The following SLC38A8 variants were observed in gnomAD, a reference collection of about 807,000 sequenced individuals.
The protein encoded by SLC38A8 is amino acid transporter SLC38A8.
In SLC38A8, 65 loss-of-function variants were observed where a neutral mutation model predicts 46.0. That is an observed-to-expected ratio of 1.41 (90% confidence interval 1.16 to 1.74). SLC38A8 has a LOEUF of 1.74. Ranked by LOEUF, SLC38A8 falls within the 40% of genes most tolerant of loss-of-function variation. The probability of loss-of-function intolerance (pLI) is 0.00; values close to 1 mark genes in which losing one functional copy is unlikely to be tolerated. For synonymous variants in SLC38A8, 447 were observed against 243.7 expected (o/e 1.83, Z -7.77); for missense variants, 998 against 567.9 (o/e 1.76, Z -7.70).
intron 1 of SLC38A8, 45 bp from the exon 2 acceptor site, chr16:84,042,204 T>C (rs1352903374): frequency 2.6e-6 from 4 of 1,551,112 alleles, no homozygotes; most frequent in Non-Finnish European, 3.5e-6. Context: ...TCTTCACGCT[T>C]TCCTCCCTAA....
At chr16:84,025,017 G>T (rs905958855) in intron 6 of SLC38A8, among the ~76,000 whole-genome samples, 3 of 152,092 alleles carry the variant, frequency 2.0e-5, no homozygotes, top group Non-Finnish European at 2.9e-5. Flanking sequence ...CACAGTCAAT[G>T]CCAAGAGCCC....
chr16:84,011,977 T>C (rs950224153), intron 10 of SLC38A8, among the ~76,000 whole-genome samples: 1 of 152,166 alleles, frequency 6.6e-6, no homozygotes, highest in African/African-American at 2.4e-5. Context: ...TGGAGTGATG[T>C]AGCCACAGGC....
intron 9 of SLC38A8, among the ~76,000 whole-genome samples, chr16:84,014,046 G>C (rs939150833): frequency 6.6e-6 from 1 of 150,670 alleles, no homozygotes; most frequent in African/African-American, 2.4e-5. Flanking sequence ...GAAGGGCTGT[G>C]TGACCACACT....
At chr16:84,030,206 C>T (rs1214720778) in intron 5 of SLC38A8, among the ~76,000 whole-genome samples, 1 of 152,064 alleles carries the variant, frequency 6.6e-6, no homozygotes, top group East Asian at 1.9e-4. Context: ...CACAGATCGC[C>T]GCGGCCCCCA....
rs951346765 is a variant in SLC38A8 at position 84,037,019 on chromosome 16, G to A, written c.190-119C>T. 16 of 1,038,928 alleles carry A rather than the reference G, an allele frequency of 1.5e-5. No individual in the cohort carries two copies. The African/African-American group carries it at 2.1e-4, about 14-fold the overall frequency. 64.4% of individuals were successfully genotyped at this position (1,038,928 alleles called of 1,614,324 possible). A position where few individuals can be genotyped will look rare whatever the true frequency, so the allele number is the denominator to read the frequency against. ...CTCATCCACAGAGGCCAGGGCTGCT[G>A]CCAACATGGGGTTGGCAGTCTACCA... On this transcript the variant is annotated intron_variant, in intron 2 of 10. Transcript: ENST00000299709.
rs764425044 is a variant in SLC38A8, at chr16:84,036,883, C to T, written c.207G>A (p.Leu69=). 17 of 1,612,428 alleles carry T rather than the reference C, an allele frequency of 1.1e-5. No individual in the cohort carries two copies. The highest frequency in any genetic ancestry group is 2.2e-5 in the East Asian group (1 of 44,860). The change falls in exon 3 of 11, where the codon CTG becomes CTA. Residue 69 remains leucine (L), a synonymous_variant. Coordinates refer to ENST00000299709, the MANE Select transcript of SLC38A8 (RefSeq NM_001080442.3). ...AGCCCAGGATGACCAGCCCGCTGATCAGGAAGACCAACGAGACCTGCGGAG... is the reference window on the plus strand; with the variant it reads ...AGCCCAGGATGACCAGCCCGCTGATTAGGAAGACCAACGAGACCTGCGGAG... ...FLVELVSLVF[L]ISGLVILGYA... is the part of the protein sequence containing the mutation.
At position 84,033,432 on chromosome 16, in the gene SLC38A8, C is replaced by CG. The variant is rs2085268635; in HGVS notation, c.425dup (p.Gln143AlafsTer63). The stretch of plus-strand genomic sequence containing the variant: ...AGCGCTGGTCTGCGTACCACGGCTG[C>CG]GGGGCGGGCGGGGTGCCAGACAGGA... On this transcript the variant is annotated frameshift_variant, in exon 4 of 11. Coordinates refer to ENST00000299709, the MANE Select transcript of SLC38A8 (RefSeq NM_001080442.3). LOFTEE classifies it high-confidence loss of function. 1 of 1,610,392 alleles carries CG rather than the reference C, an allele frequency of 6.2e-7. No individual in the cohort carries two copies. The highest frequency in any genetic ancestry group is 1.3e-5 in the African/African-American group (1 of 74,818).
At chr16:84,017,860 C>T (rs1172919875) in intron 7 of SLC38A8, among the ~76,000 whole-genome samples, 3 of 152,148 alleles carry the variant, frequency 2.0e-5, no homozygotes, top group Non-Finnish European at 4.4e-5. Flanking sequence ...TCTCTGCAAG[C>T]CCTTTCTGAG....
intron 6 of SLC38A8, among the ~76,000 whole-genome samples, chr16:84,027,894 G>A (rs1484566719): frequency 3.3e-5 from 5 of 152,140 alleles, no homozygotes; most frequent in African/African-American, 1.2e-4. Context: ...ACTCAGTCCA[G>A]ACAAACAGTT....
chr16:84,013,056 CA>C lies in SLC38A8; in HGVS notation c.1163-5del. 1 of 1,612,684 alleles carries C rather than the reference CA, an allele frequency of 6.2e-7. No individual in the cohort carries two copies. Among genetic ancestry groups the C allele is most frequent in the East Asian group, 2.2e-5 (1 of 44,862 alleles). ...ATTGCACAGATGAGGCACAAACCTG[CA>C]AAAAAGACAGGGTCACCCACAGTTC... On this transcript the variant is annotated splice_region_variant and splice_polypyrimidine_tract_variant and intron_variant, in intron 9 of 10. Transcript: ENST00000299709.
intron 5 of SLC38A8, 98 bp downstream of exon 5, chr16:84,031,769 A>C: frequency 1.0e-6 from 1 of 1,003,920 alleles, no homozygotes; most frequent in South Asian, 1.4e-5. Context: ...CAGGCTCTGC[A>C]GTGAGCCACG....
chr16:84,032,980 G>C (rs1321556302), intron 4 of SLC38A8, among the ~76,000 whole-genome samples: 2 of 145,034 alleles, frequency 1.4e-5, no homozygotes, highest in Admixed American at 1.4e-4. Context: ...GGGGGGGTGT[G>C]GGTAGGTGGG....
intron 7 of SLC38A8, among the ~76,000 whole-genome samples, chr16:84,021,806 T>C (rs868734758): frequency 1.3e-5 from 2 of 152,232 alleles, no homozygotes; most frequent in South Asian, 4.1e-4. Context: ...TTTACAGTTA[T>C]GGAGATTGAG....
chr16:84,027,233 C>G (rs2085174589), intron 6 of SLC38A8, among the ~76,000 whole-genome samples: 1 of 152,118 alleles, frequency 6.6e-6, no homozygotes, highest in African/African-American at 2.4e-5. Flanking sequence ...GCCTGTAATC[C>G]CAGCTACTCA....
At chr16:84,017,017 C>A (rs1397749717) in intron 8 of SLC38A8, 123 bp downstream of exon 8, 6 of 1,350,610 alleles carry the variant, frequency 4.4e-6, no homozygotes, top group Middle Eastern at 5.3e-4. Context: ...CCTGTTTCCT[C>A]CTGTCTACAA....
intron 6 of SLC38A8, 140 bp downstream of exon 6, chr16:84,029,354 G>A (rs956806968): frequency 2.1e-5 from 16 of 768,740 alleles, no homozygotes; most frequent in Non-Finnish European, 3.1e-5. Context: ...AACCACAGGT[G>A]GGCGGCACAG....
intron 2 of SLC38A8, among the ~76,000 whole-genome samples, chr16:84,038,978 G>T (rs569523511): frequency 6.6e-6 from 1 of 152,176 alleles, no homozygotes. Context: ...ATGTCCACAA[G>T]GAAAATGTTA....
intron 6 of SLC38A8, among the ~76,000 whole-genome samples, chr16:84,024,702 G>A (rs2085140940): frequency 6.6e-6 from 1 of 152,050 alleles, no homozygotes; most frequent in Admixed American, 6.5e-5. Context: ...AGTCGCTCAA[G>A]CCTGGGAGGC....
chr16:84,031,818 T>TGCCGTGCCTCCCC (rs746835977), intron 5 of SLC38A8, 49 bp downstream of exon 5: 1 of 1,521,776 alleles, frequency 6.6e-7, no homozygotes, highest in South Asian at 1.1e-5. Context: ...CAGACTCCCC[T>TGCCGTGCCTCCCC]GCCGTGCCTC....
Sources: allele counts gnomAD v4.1 joint callset (sites outside exome capture counted in the v4.1 genomes callset), GRCh38; gene constraint gnomAD v4.1.1; transcripts MANE v1.5; gene names NCBI Gene and HGNC (gene_info 2026-07-23, HGNC 2026-07-21).